The following TRPC7 variants were observed in gnomAD, a reference collection of about 807,000 sequenced individuals.
TRPC7 encodes the protein short transient receptor potential channel 7.
Under a neutral mutation model 90.1 loss-of-function variants are expected in TRPC7, and 42 were observed. The observed-to-expected ratio is 0.47, with a 90% CI of 0.36 to 0.60. The LOEUF (loss-of-function observed/expected upper bound fraction) is 0.60, where lower values mean the gene tolerates loss of function less well. Ranked by LOEUF, TRPC7 falls within the 20% of genes least tolerant of loss-of-function variation. TRPC7 has a pLI of 0.00. For synonymous variants in TRPC7, 451 were observed against 436.3 expected (o/e 1.03, Z -0.42); for missense variants, 955 against 1,112.3 (o/e 0.86, Z 2.01).
chr5:136,305,446 T>C (rs566779782), intron 3 of TRPC7, among the ~76,000 whole-genome samples: 69 of 152,288 alleles, frequency 4.5e-4, no homozygotes, highest in African/African-American at 1.1e-3. Flanking sequence ...CCATCTGCTA[T>C]TCTACTACTC....
chr5:136,264,493 A>G (rs1756959520), intron 5 of TRPC7, among the ~76,000 whole-genome samples: 1 of 152,224 alleles, frequency 6.6e-6, no homozygotes, highest in Non-Finnish European at 1.5e-5. Context: ...TGTGAAGTTA[A>G]GACCACAGAA....
intron 7 of TRPC7, among the ~76,000 whole-genome samples, chr5:136,244,350 T>C (rs1414591229): frequency 6.6e-6 from 1 of 152,162 alleles, no homozygotes; most frequent in Non-Finnish European, 1.5e-5. Context: ...TTTCTGTGTG[T>C]CATGGCACTG....
intron 3 of TRPC7, among the ~76,000 whole-genome samples, chr5:136,294,090 G>A (rs1289129968): frequency 2.6e-5 from 4 of 152,310 alleles, no homozygotes; most frequent in Middle Eastern, 3.4e-3. Flanking sequence ...CTAGCCATAT[G>A]TAGAAAGCTG....
rs1760127661 is a variant in TRPC7 at position 136,349,632 on chromosome 5, T to C, written c.780+6976A>G. ...ATTTACTGAACTAATATTTACTTAATACTATATGTGCCAGGATTTTCTGGA... is the reference window on the plus strand; with the variant it reads ...ATTTACTGAACTAATATTTACTTAACACTATATGTGCCAGGATTTTCTGGA... On this transcript the variant is annotated intron_variant, in intron 2 of 11. Transcript: ENST00000513104. Among the ~76,000 whole-genome samples the C allele has an allele frequency of 1.3e-5, 2 of 152,242 alleles. 1 individual carries two copies. The highest frequency in any genetic ancestry group is 4.1e-4 in the South Asian group (2 of 4,832).
At chr5:136,289,166 G>C (rs1380816818) in intron 3 of TRPC7, among the ~76,000 whole-genome samples, 1 of 152,178 alleles carries the variant, frequency 6.6e-6, no homozygotes, top group Admixed American at 6.5e-5. Context: ...AGAAAAACAA[G>C]TATTAGGGGG....
At chr5:136,343,623 C>T (rs1759912806) in intron 2 of TRPC7, among the ~76,000 whole-genome samples, 1 of 152,116 alleles carries the variant, frequency 6.6e-6, no homozygotes, top group South Asian at 2.1e-4. Flanking sequence ...GACATTTCTT[C>T]CTGGGTCTTA....
chr5:136,277,144 G>C (rs1300809430), intron 3 of TRPC7, among the ~76,000 whole-genome samples: 2 of 152,234 alleles, frequency 1.3e-5, no homozygotes, highest in African/African-American at 2.4e-5. Context: ...AGACAGGTCA[G>C]CACCGCAGAT....
intron 8 of TRPC7, among the ~76,000 whole-genome samples, chr5:136,227,318 A>G (rs1048598715): frequency 6.6e-6 from 1 of 152,182 alleles, no homozygotes; most frequent in African/African-American, 2.4e-5. Flanking sequence ...ACCCCTTATT[A>G]GCTGTGTAAC....
At chr5:136,344,169 G>C (rs914246185) in intron 2 of TRPC7, among the ~76,000 whole-genome samples, 2 of 152,128 alleles carry the variant, frequency 1.3e-5, no homozygotes, top group African/African-American at 2.4e-5. Context: ...ACTAACACAG[G>C]AACAGTAAAC....
chr5:136,290,312 GAGA>G (rs1197508009), intron 3 of TRPC7, among the ~76,000 whole-genome samples: 2 of 152,186 alleles, frequency 1.3e-5, no homozygotes, highest in African/African-American at 4.8e-5. Flanking sequence ...GACGAATTGA[GAGA>G]AGAAGGCTTC....
At chr5:136,280,868 A>T (rs941367548) in intron 3 of TRPC7, among the ~76,000 whole-genome samples, 1 of 152,158 alleles carries the variant, frequency 6.6e-6, no homozygotes, top group Non-Finnish European at 1.5e-5. Context: ...CAGTTCTTTA[A>T]GGTGGGGTTG....
intron 2 of TRPC7, among the ~76,000 whole-genome samples, chr5:136,318,726 TC>T (rs1759104002): frequency 6.6e-6 from 1 of 152,140 alleles, no homozygotes; most frequent in Non-Finnish European, 1.5e-5. Flanking sequence ...ACTTCAAGTG[TC>T]CCTTCTCCAA....
chr5:136,337,166 T>A (rs552602100), intron 2 of TRPC7, among the ~76,000 whole-genome samples: 56 of 152,312 alleles, frequency 3.7e-4, no homozygotes, highest in Admixed American at 3.3e-3. Context: ...ACCTCTAAAA[T>A]CTTACTACCA....
chr5:136,266,882 A>T (rs1415383208), intron 4 of TRPC7, among the ~76,000 whole-genome samples: 1 of 152,220 alleles, frequency 6.6e-6, no homozygotes, highest in Non-Finnish European at 1.5e-5. Flanking sequence ...ATTTATTTAA[A>T]GCTATACATT....
chr5:136,270,255 C>G (rs1757167289), intron 4 of TRPC7, among the ~76,000 whole-genome samples: 1 of 152,192 alleles, frequency 6.6e-6, no homozygotes, highest in Non-Finnish European at 1.5e-5. Context: ...GTTTAAACCA[C>G]AGCTTCCTAT....
chr5:136,305,205 C>G (rs866593342), intron 3 of TRPC7, among the ~76,000 whole-genome samples: 1 of 152,310 alleles, frequency 6.6e-6, no homozygotes. Flanking sequence ...ACCCCCATGA[C>G]TGTATCTCTC....
At chr5:136,274,245 T>C (rs771680522) in intron 4 of TRPC7, among the ~76,000 whole-genome samples, 17 of 152,196 alleles carry the variant, frequency 1.1e-4, no homozygotes, top group Non-Finnish European at 2.9e-5. Context: ...CATAATGTAA[T>C]TGAGGCTGTG....
At chr5:136,316,395 A>G (rs1759028800) in intron 2 of TRPC7, among the ~76,000 whole-genome samples, 1 of 152,218 alleles carries the variant, frequency 6.6e-6, no homozygotes, top group African/African-American at 2.4e-5. Flanking sequence ...GTGCCAGAAA[A>G]TCGGCTTGTA....
intron 5 of TRPC7, among the ~76,000 whole-genome samples, chr5:136,253,746 A>G (rs1013567604): frequency 6.6e-6 from 1 of 152,196 alleles, no homozygotes; most frequent in Admixed American, 6.5e-5. Context: ...AGGCCAATTA[A>G]TAGTTCTACA....
Sources: gnomAD v4.1 joint callset for allele counts (sites outside exome capture counted in the v4.1 genomes callset) on GRCh38, gnomAD v4.1.1 for gene constraint, MANE v1.5 for transcripts, NCBI Gene and HGNC (gene_info 2026-07-23, HGNC 2026-07-21) for gene names.